The following HS6ST3 variants were observed in gnomAD, a reference collection of about 807,000 sequenced individuals.
HS6ST3 encodes heparan-sulfate 6-O-sulfotransferase 3.
Under a neutral mutation model 36.7 loss-of-function variants are expected in HS6ST3, and 12 were observed. The observed-to-expected ratio is 0.33, with a 90% CI of 0.21 to 0.53. The LOEUF is 0.53. HS6ST3 is among the 20% of genes least tolerant of loss of function. The pLI, the probability that HS6ST3 is intolerant of heterozygous loss-of-function variation, is 0.95. For synonymous variants in HS6ST3, 240 were observed against 257.5 expected (o/e 0.93, Z 0.65); for missense variants, 584 against 640.9 (o/e 0.91, Z 0.96).
At chr13:96,520,483 A>G (rs1228624648) in intron 1 of HS6ST3, among the ~76,000 whole-genome samples, 1 of 152,232 alleles carries the variant, frequency 6.6e-6, no homozygotes, top group Non-Finnish European at 1.5e-5. Flanking sequence ...CTTCCTATCC[A>G]TAAGCATGGA....
chr13:96,520,469 G>T (rs2056088709), intron 1 of HS6ST3, among the ~76,000 whole-genome samples: 1 of 152,186 alleles, frequency 6.6e-6, no homozygotes, highest in Admixed American at 6.5e-5. Context: ...TCATGATATT[G>T]ATTCTTCCTA....
At chr13:96,614,415 G>T (rs1486710207) in intron 1 of HS6ST3, among the ~76,000 whole-genome samples, 1 of 151,966 alleles carries the variant, frequency 6.6e-6, no homozygotes, top group African/African-American at 2.4e-5. Flanking sequence ...AAGGTTTGGT[G>T]GAGAGGATGT....
intron 1 of HS6ST3, among the ~76,000 whole-genome samples, chr13:96,683,277 C>G (rs1462134467): frequency 2.0e-5 from 3 of 152,036 alleles, no homozygotes; most frequent in Admixed American, 2.0e-4. Context: ...AAGGAGGAAT[C>G]TAATCTCATT....
intron 1 of HS6ST3, among the ~76,000 whole-genome samples, chr13:96,095,872 G>A (rs2053788150): frequency 9.7e-6 from 1 of 102,702 alleles, no homozygotes; most frequent in Non-Finnish European, 2.4e-5. Flanking sequence ...TGGTGTGTGT[G>A]TGTGTGTGTG....
intron 1 of HS6ST3, among the ~76,000 whole-genome samples, chr13:96,407,577 C>T (rs941749275): frequency 6.6e-6 from 1 of 152,144 alleles, no homozygotes; most frequent in African/African-American, 2.4e-5. Context: ...TTAAATGTGT[C>T]CCTCAGTGAA....
At chr13:96,385,421 C>G (rs924303989) in intron 1 of HS6ST3, among the ~76,000 whole-genome samples, 51 of 152,148 alleles carry the variant, frequency 3.4e-4, no homozygotes, top group Non-Finnish European at 1.5e-5. Flanking sequence ...TAAAATCACA[C>G]TGGACTTTGG....
At chr13:96,220,399 G>A (rs752106749) in intron 1 of HS6ST3, among the ~76,000 whole-genome samples, 4 of 152,110 alleles carry the variant, frequency 2.6e-5, no homozygotes, top group East Asian at 1.9e-4. Flanking sequence ...GTAAAGGAAG[G>A]CACTTTTTTT....
chr13:96,716,849 G>C (rs1321803620), intron 1 of HS6ST3, among the ~76,000 whole-genome samples: 1 of 152,202 alleles, frequency 6.6e-6, no homozygotes, highest in Non-Finnish European at 1.5e-5. Context: ...CAATGATAAA[G>C]ATAGCAAATT....
At chr13:96,675,055 G>A (rs1223944179) in intron 1 of HS6ST3, among the ~76,000 whole-genome samples, 1 of 152,108 alleles carries the variant, frequency 6.6e-6, no homozygotes, top group African/African-American at 2.4e-5. Context: ...CTCAGTCTAA[G>A]TTCAGGCCTG....
chr13:96,614,551 A>T (rs1234751808), intron 1 of HS6ST3, among the ~76,000 whole-genome samples: 1 of 152,082 alleles, frequency 6.6e-6, no homozygotes, highest in Non-Finnish European at 1.5e-5. Context: ...TAAATAATAG[A>T]AGCAGCTTAT....
intron 1 of HS6ST3, among the ~76,000 whole-genome samples, chr13:96,133,276 C>T (rs1241440827): frequency 1.3e-5 from 2 of 151,950 alleles, no homozygotes. Context: ...TACAGGTGCC[C>T]ACCACCATGC....
At chr13:96,374,313 AT>A (rs935216734) in intron 1 of HS6ST3, among the ~76,000 whole-genome samples, 1 of 152,152 alleles carries the variant, frequency 6.6e-6, no homozygotes, top group Non-Finnish European at 1.5e-5. Context: ...TTTTGAAGTT[AT>A]TTTTAATGTC....
At chr13:96,414,964 T>A (rs1228229105) in intron 1 of HS6ST3, among the ~76,000 whole-genome samples, 1 of 152,120 alleles carries the variant, frequency 6.6e-6, no homozygotes, top group Non-Finnish European at 1.5e-5. Context: ...CCCCCTCCCT[T>A]CAAAAAATGA....
In HS6ST3 at chr13:96,568,289, CAG is replaced by C. The variant is rs61437673; in HGVS notation, c.708-264198_708-264197del. Among the ~76,000 whole-genome samples, 1,284 of 152,198 alleles carry C rather than the reference CAG, an allele frequency of 8.4e-3. 15 individuals carry two copies. The highest frequency in any genetic ancestry group is 0.029 in the African/African-American group (1,204 of 41,528). On this transcript the variant is annotated intron_variant, in intron 1 of 1. Coordinates refer to ENST00000376705, the MANE Select transcript of HS6ST3 (RefSeq NM_153456.4). Reference sequence around the variant, plus strand: ...TGGCTCTCTGAATCTTTTTTTGAGACAGAGTCTTGCTCTGTCACCCAGGCTGG... The same window carrying C: ...TGGCTCTCTGAATCTTTTTTTGAGACAGTCTTGCTCTGTCACCCAGGCTGG...
chr13:96,344,905 TG>T (rs765252210), intron 1 of HS6ST3, among the ~76,000 whole-genome samples: 6 of 152,230 alleles, frequency 3.9e-5, no homozygotes, highest in Non-Finnish European at 8.8e-5. Flanking sequence ...TCTTATTATT[TG>T]CTTGTCCATG....
At chr13:96,611,720 G>A (rs1283019009) in intron 1 of HS6ST3, among the ~76,000 whole-genome samples, 2 of 152,158 alleles carry the variant, frequency 1.3e-5, no homozygotes, top group African/African-American at 4.8e-5. Context: ...TGCATTCCAG[G>A]AAAAGGAATG....
At chr13:96,566,439 A>C (rs944101795) in intron 1 of HS6ST3, among the ~76,000 whole-genome samples, 6 of 152,158 alleles carry the variant, frequency 3.9e-5, no homozygotes, top group Non-Finnish European at 5.9e-5. Context: ...TTTTTCAAGC[A>C]AAAGAGTAAA....
intron 1 of HS6ST3, among the ~76,000 whole-genome samples, chr13:96,702,178 T>C (rs980533552): frequency 3.9e-5 from 6 of 152,116 alleles, no homozygotes; most frequent in African/African-American, 1.4e-4. Flanking sequence ...TATGGTTTCA[T>C]TTTAGTTGTG....
intron 1 of HS6ST3, among the ~76,000 whole-genome samples, chr13:96,773,306 C>T (rs1877311713): frequency 6.6e-6 from 1 of 152,104 alleles, no homozygotes; most frequent in African/African-American, 2.4e-5. Flanking sequence ...GCCTGGAATG[C>T]CAGTGAGACA....
Sources: allele counts gnomAD v4.1 joint callset (sites outside exome capture counted in the v4.1 genomes callset), GRCh38; gene constraint gnomAD v4.1.1; transcripts MANE v1.5; gene names NCBI Gene and HGNC (gene_info 2026-07-23, HGNC 2026-07-21).